The following EVA1A variants were observed in gnomAD, a reference collection of about 807,000 sequenced individuals.
The protein encoded by EVA1A is protein eva-1 homolog A.
In EVA1A, 7 loss-of-function variants were observed where a neutral mutation model predicts 9.8. The ratio of observed to expected loss-of-function variants is 0.71; its 90% CI spans 0.41 to 1.34. The LOEUF (loss-of-function observed/expected upper bound fraction) is 1.34. Ranked by LOEUF, EVA1A falls within the 40% of genes most tolerant of loss-of-function variation. The probability of loss-of-function intolerance (pLI) is 0.01; values close to 1 mark genes in which losing one functional copy is unlikely to be tolerated. For missense variants in EVA1A, 206 were observed against 205.9 expected (o/e 1.00, Z 0.00); for synonymous variants, 90 against 85.6 (o/e 1.05, Z -0.28).
At chr2:75,529,778 C>T (rs1230379296) in intron 1 of EVA1A, among the ~76,000 whole-genome samples, 2 of 151,960 alleles carry the variant, frequency 1.3e-5, no homozygotes, top group Non-Finnish European at 2.9e-5. Flanking sequence ...CATTAAATGC[C>T]TAAATCAAAA....
chr2:75,548,199 C>T (rs1676396733), intron 1 of EVA1A, among the ~76,000 whole-genome samples: 1 of 152,224 alleles, frequency 6.6e-6, no homozygotes, highest in South Asian at 2.1e-4. Flanking sequence ...GAAGCGTGAT[C>T]TTGGCTCACT....
intron 1 of EVA1A, among the ~76,000 whole-genome samples, chr2:75,548,693 G>C (rs1676413561): frequency 6.6e-6 from 1 of 152,118 alleles, no homozygotes; most frequent in African/African-American, 2.4e-5. Flanking sequence ...TGTAAAGAAT[G>C]AATATGCGCC....
chr2:75,505,502 G>A (rs1674584198), intron 3 of EVA1A, among the ~76,000 whole-genome samples: 1 of 152,286 alleles, frequency 6.6e-6, no homozygotes, highest in East Asian at 1.9e-4. Flanking sequence ...AAATACATAT[G>A]TATGTGTACG....
At chr2:75,507,146 G>A (rs1674645250) in intron 3 of EVA1A, among the ~76,000 whole-genome samples, 1 of 152,178 alleles carries the variant, frequency 6.6e-6, no homozygotes, top group Non-Finnish European at 1.5e-5. Flanking sequence ...TTACCTTATG[G>A]ATAACTGACG....
chr2:75,545,632 C>T (rs77062045), intron 1 of EVA1A, among the ~76,000 whole-genome samples: 7,647 of 152,044 alleles, frequency 0.05, 273 homozygotes, highest in Middle Eastern at 0.13. Context: ...CATGTGATTC[C>T]GGGGAAGGAG....
rs1572950304 is a variant in EVA1A, at chr2:75,505,878, T to C, written c.85+12178A>G. The stretch of plus-strand genomic sequence containing the variant: ...CATAATTTCACAACCTGAATATAAC[T>C]ATACAGTGTGTAGTATAGTGAATAT... On this transcript the variant is annotated intron_variant, in intron 3 of 3. Coordinates refer to ENST00000393913, the MANE Select transcript of EVA1A (RefSeq NM_001135032.2). Among the ~76,000 whole-genome samples the C allele has an allele frequency of 2.0e-5, 3 of 152,218 alleles. No individual in the cohort carries two copies. In the South Asian group the frequency reaches 6.2e-4, roughly 32 times the overall value.
chr2:75,543,753 T>C (rs953756256), intron 1 of EVA1A, among the ~76,000 whole-genome samples: 2 of 152,102 alleles, frequency 1.3e-5, no homozygotes, highest in African/African-American at 4.8e-5. Flanking sequence ...CCCGTGTCAA[T>C]TCAATTGAAT....
chr2:75,569,210 A>G (rs1677080612), intron 1 of EVA1A, among the ~76,000 whole-genome samples: 1 of 152,078 alleles, frequency 6.6e-6, no homozygotes, highest in Non-Finnish European at 1.5e-5. Context: ...ACTTTTATTT[A>G]TACTTCACTC....
At chr2:75,564,914 ACC>A (rs1279768233), upstream of EVA1A, among the ~76,000 whole-genome samples, 3 of 152,196 alleles carry the variant, frequency 2.0e-5, no homozygotes, top group East Asian at 5.8e-4. Flanking sequence ...AAGGCACAAC[ACC>A]CAAAGGCAGC....
intron 1 of EVA1A, among the ~76,000 whole-genome samples, chr2:75,569,142 TTTAA>T (rs1366024633): frequency 3.9e-5 from 6 of 152,150 alleles, no homozygotes; most frequent in Admixed American, 2.0e-4. Context: ...TTTTTGACAT[TTTAA>T]TTATTTAATT....
intron 3 of EVA1A, among the ~76,000 whole-genome samples, chr2:75,516,229 T>C (rs1675002769): frequency 6.6e-6 from 1 of 152,266 alleles, no homozygotes; most frequent in Non-Finnish European, 1.5e-5. Flanking sequence ...GTTATTTGTA[T>C]CTTGAATATT....
chr2:75,504,992 C>T (rs906064156), intron 3 of EVA1A, among the ~76,000 whole-genome samples: 1 of 152,158 alleles, frequency 6.6e-6, no homozygotes, highest in African/African-American at 2.4e-5. Flanking sequence ...CTCATTTCAT[C>T]CCCTTCCACA....
At chr2:75,536,916 C>G (rs1675927110) in intron 1 of EVA1A, among the ~76,000 whole-genome samples, 1 of 152,128 alleles carries the variant, frequency 6.6e-6, no homozygotes, top group South Asian at 2.1e-4. Flanking sequence ...ACCATCTCTT[C>G]CAGAAAATCA....
At chr2:75,504,191 T>C (rs1372007184) in intron 3 of EVA1A, among the ~76,000 whole-genome samples, 1 of 152,046 alleles carries the variant, frequency 6.6e-6, no homozygotes, top group Non-Finnish European at 1.5e-5. Context: ...GGTGGGCAGA[T>C]CATGAGGTCA....
At chr2:75,521,497 G>A (rs1003658020) in intron 2 of EVA1A, among the ~76,000 whole-genome samples, 3 of 152,244 alleles carry the variant, frequency 2.0e-5, no homozygotes, top group Admixed American at 6.5e-5. Flanking sequence ...GCAATATTAC[G>A]CACAGCCTTA....
chr2:75,559,659 C>T (rs1481277532), intron 1 of EVA1A, among the ~76,000 whole-genome samples: 4 of 126,024 alleles, frequency 3.2e-5, no homozygotes, highest in Non-Finnish European at 4.6e-5. Flanking sequence ...TAGGTCAAAA[C>T]GGAAAAAGCC....
At chr2:75,554,780 A>C (rs893980096) in intron 1 of EVA1A, among the ~76,000 whole-genome samples, 2 of 152,234 alleles carry the variant, frequency 1.3e-5, no homozygotes, top group East Asian at 3.9e-4. Flanking sequence ...CACTCCTGGG[A>C]CCACTTCCCT....
chr2:75,514,983 T>C (rs749242494), intron 3 of EVA1A, among the ~76,000 whole-genome samples: 2 of 152,248 alleles, frequency 1.3e-5, no homozygotes, highest in African/African-American at 2.4e-5. Context: ...ACATACTTAA[T>C]CAGTCAAGTC....
chr2:75,533,500 G>T (rs1220058616), intron 1 of EVA1A, among the ~76,000 whole-genome samples: 3 of 152,202 alleles, frequency 2.0e-5, no homozygotes, highest in South Asian at 4.1e-4. Flanking sequence ...AGAAAGAAAA[G>T]AATTTTAAAA....
Sources: allele counts gnomAD v4.1 joint callset (sites outside exome capture counted in the v4.1 genomes callset), GRCh38; gene constraint gnomAD v4.1.1; transcripts MANE v1.5; gene names NCBI Gene and HGNC (gene_info 2026-07-23, HGNC 2026-07-21).